CAMK2D: variants seen among roughly 807,000 people sequenced by gnomAD.
The protein encoded by CAMK2D is calcium/calmodulin-dependent protein kinase type II subunit delta.
CAMK2D carries 37 observed loss-of-function variants against 84.0 expected under a neutral mutation model. The observed-to-expected ratio is 0.44, with a 90% CI of 0.34 to 0.58. The LOEUF (loss-of-function observed/expected upper bound fraction) is 0.58. CAMK2D is among the 20% of genes least tolerant of loss of function. The pLI is 0.02. For missense variants in CAMK2D, 448 were observed against 652.5 expected, an observed-to-expected ratio of 0.69 and a Z score of 3.41; for synonymous variants, 202 against 212.5, an observed-to-expected ratio of 0.95 and a Z score of 0.43.
intron 12 of CAMK2D, 101 bp from the exon 13 acceptor site, chr4:113,509,776 G>C (rs2098185532): frequency 1.2e-6 from 1 of 820,754 alleles, no homozygotes; most frequent in African/African-American, 1.7e-5. Flanking sequence ...CACCTTTGCT[G>C]AGTTCTGGCC....
At chr4:113,491,978 G>A (rs995869151) in intron 16 of CAMK2D, among the ~76,000 whole-genome samples, 13 of 151,340 alleles carry the variant, frequency 8.6e-5, no homozygotes, top group Non-Finnish European at 1.6e-4. Context: ...CTGTGGGATC[G>A]GTGGTGATAT....
chr4:113,573,211 A>T (rs960257065), intron 4 of CAMK2D, among the ~76,000 whole-genome samples: 2 of 152,084 alleles, frequency 1.3e-5, no homozygotes, highest in African/African-American at 2.4e-5. Context: ...GGAAAGAAAA[A>T]CTCCAAACAA....
At chr4:113,590,614 T>C (rs1045639047) in intron 4 of CAMK2D, among the ~76,000 whole-genome samples, 3 of 152,186 alleles carry the variant, frequency 2.0e-5, no homozygotes, top group African/African-American at 4.8e-5. Flanking sequence ...CAGTTCTACT[T>C]TGAAAGCTTT....
intron 8 of CAMK2D, among the ~76,000 whole-genome samples, chr4:113,529,864 G>A (rs1333908742): frequency 2.0e-5 from 3 of 152,204 alleles, no homozygotes; most frequent in Non-Finnish European, 4.4e-5. Context: ...CCATTGAGAA[G>A]ATAGCAGCAT....
chr4:113,662,508 T>C (rs1376672050), intron 2 of CAMK2D, among the ~76,000 whole-genome samples: 2 of 152,116 alleles, frequency 1.3e-5, no homozygotes, highest in Non-Finnish European at 2.9e-5. Flanking sequence ...GACAAAAATA[T>C]GGTAGAAACA....
intron 2 of CAMK2D, among the ~76,000 whole-genome samples, chr4:113,664,196 T>A (rs2099248590): frequency 6.6e-6 from 1 of 152,212 alleles, no homozygotes; most frequent in Non-Finnish European, 1.5e-5. Context: ...CAATTGGCTA[T>A]TTAAGCCACC....
chr4:113,618,381 T>C (rs2099030550), intron 3 of CAMK2D, among the ~76,000 whole-genome samples: 1 of 152,148 alleles, frequency 6.6e-6, no homozygotes, highest in South Asian at 2.1e-4. Context: ...AAATGGAAAA[T>C]CTTATTAGAT....
At chr4:113,577,756 A>T (rs78235882) in intron 4 of CAMK2D, among the ~76,000 whole-genome samples, 1 of 148,010 alleles carries the variant, frequency 6.8e-6, no homozygotes, top group Non-Finnish European at 1.5e-5. Flanking sequence ...TTCGTATACT[A>T]TTTTTTTTTT....
chr4:113,727,443 A>G (rs1485771727), intron 2 of CAMK2D, among the ~76,000 whole-genome samples: 1 of 152,182 alleles, frequency 6.6e-6, no homozygotes, highest in Non-Finnish European at 1.5e-5. Context: ...TCAATAGGGA[A>G]TAATGATGTT....
At chr4:113,534,057 G>T (rs1425305007) in intron 7 of CAMK2D, among the ~76,000 whole-genome samples, 1 of 151,974 alleles carries the variant, frequency 6.6e-6, no homozygotes, top group African/African-American at 2.4e-5. Flanking sequence ...TCCACATAAT[G>T]AAGAAAGAGT....
intron 16 of CAMK2D, among the ~76,000 whole-genome samples, chr4:113,498,541 C>CTAA (rs1174633932): frequency 6.6e-6 from 1 of 152,108 alleles, no homozygotes; most frequent in Non-Finnish European, 1.5e-5. Context: ...GGTAATAAAG[C>CTAA]TAAGCACTTT....
At chr4:113,572,779 C>T (rs1217570809) in intron 4 of CAMK2D, among the ~76,000 whole-genome samples, 1 of 152,036 alleles carries the variant, frequency 6.6e-6, no homozygotes, top group Non-Finnish European at 1.5e-5. Context: ...AAAGCAAATA[C>T]ATGGAATCAA....
chr4:113,659,642 C>T (rs2099219816), intron 3 of CAMK2D, among the ~76,000 whole-genome samples: 1 of 152,180 alleles, frequency 6.6e-6, no homozygotes, highest in Non-Finnish European at 1.5e-5. Flanking sequence ...CCTGACAACA[C>T]CTTCATCTTA....
chr4:113,479,049 T>C (rs569624550), intron 16 of CAMK2D, among the ~76,000 whole-genome samples: 1 of 152,292 alleles, frequency 6.6e-6, no homozygotes, highest in South Asian at 2.1e-4. Context: ...AAACCAATGA[T>C]CCTGTACACA....
At chr4:113,725,245 C>G (rs1250312001) in intron 2 of CAMK2D, among the ~76,000 whole-genome samples, 1 of 151,788 alleles carries the variant, frequency 6.6e-6, no homozygotes, top group Non-Finnish European at 1.5e-5. Flanking sequence ...TATATCTTAG[C>G]AATTAAGCTA....
At chr4:113,503,255 G>A (rs1412780445) in intron 14 of CAMK2D, 1 of 657,006 alleles carries the variant, frequency 1.5e-6, no homozygotes, top group African/African-American at 1.8e-5. Context: ...GAGATCTGAA[G>A]AGGCACTCAC....
intron 16 of CAMK2D, among the ~76,000 whole-genome samples, chr4:113,469,188 A>G (rs1322873906): frequency 6.6e-6 from 1 of 152,222 alleles, no homozygotes; most frequent in Non-Finnish European, 1.5e-5. Context: ...ACTGAGAGTA[A>G]CTACATAATA....
chr4:113,549,778 T>C (rs1429500724), intron 5 of CAMK2D, among the ~76,000 whole-genome samples: 1 of 152,188 alleles, frequency 6.6e-6, no homozygotes, highest in East Asian at 1.9e-4. Context: ...AAGAAAAATC[T>C]TGAATTTAAA....
intron 2 of CAMK2D, among the ~76,000 whole-genome samples, chr4:113,721,163 T>A (rs1204237569): frequency 6.6e-6 from 1 of 152,124 alleles, no homozygotes; most frequent in Non-Finnish European, 1.5e-5. Flanking sequence ...TCATTAGAGA[T>A]AATCATCTGC....
Sources: gnomAD v4.1 joint callset for allele counts (sites outside exome capture counted in the v4.1 genomes callset) on GRCh38, gnomAD v4.1.1 for gene constraint, MANE v1.5 for transcripts, NCBI Gene and HGNC (gene_info 2026-07-23, HGNC 2026-07-21) for gene names.